The following CCDC3 variants were observed in gnomAD, a reference collection of about 807,000 sequenced individuals.
CCDC3 encodes the protein coiled-coil domain-containing protein 3.
A neutral mutation model predicts 21.4 loss-of-function variants in CCDC3; 24 were observed. The ratio of observed to expected loss-of-function variants is 1.12; its 90% CI spans 0.81 to 1.58. The LOEUF (loss-of-function observed/expected upper bound fraction) is 1.58, where lower values mean the gene tolerates loss of function less well. Among genes scored for constraint, CCDC3 ranks in the 40% most tolerant of loss-of-function variants. The pLI is 0.00. For synonymous variants in CCDC3, 186 were observed against 166.0 expected (o/e 1.12, Z -0.93); for missense variants, 425 against 360.9 (o/e 1.18, Z -1.44).
At chr10:13,001,836 T>G (rs1028145309), upstream of CCDC3, 2 of 151,226 alleles carry the variant, frequency 1.3e-5, no homozygotes, top group East Asian at 2.0e-4. Context: ...GTCGGGCGGG[T>G]CCCGGCGCCG....
chr10:12,902,793 C>G (rs4237429), intron 2 of CCDC3, among the ~76,000 whole-genome samples: 129,654 of 152,150 alleles, frequency 0.85, 55,757 homozygotes, highest in Middle Eastern at 0.92. Context: ...GTTCTCCAGG[C>G]TAGCAAGAGG....
intron 2 of CCDC3, among the ~76,000 whole-genome samples, chr10:12,952,220 G>A (rs1835018812): frequency 6.6e-6 from 1 of 152,310 alleles, no homozygotes; most frequent in Admixed American, 6.5e-5. Context: ...GAGGGAGAAG[G>A]TTTTGTTGGT....
intron 4 of CCDC3, among the ~76,000 whole-genome samples, chr10:13,065,326 CAATACCATATA>C (rs1316032273): frequency 6.6e-6 from 1 of 152,082 alleles, no homozygotes; most frequent in African/African-American, 2.4e-5. Flanking sequence ...AGGAGAAAAG[CAATACCATATA>C]AACACGTCAC....
Position 12,900,560 on chromosome 10 carries a change from G to A in CCDC3, c.550-1881C>T, listed in dbSNP as rs189202814. ...AAAAAAAAAAGCCGGGCGTCGTGGC[G>A]GGTGCCTGTAGTCCCAGCTACTCGG... On this transcript the variant is annotated intron_variant, in intron 2 of 2. Coordinates refer to ENST00000378825, the MANE Select transcript of CCDC3 (RefSeq NM_031455.4). Among the ~76,000 whole-genome samples the A allele has an allele frequency of 4.5e-3, 678 of 149,852 alleles. 2 individuals are homozygous for A. Among genetic ancestry groups the A allele is most frequent in the African/African-American group, 0.016 (646 of 40,892 alleles).
At chr10:12,912,849 C>A (rs967369199) in intron 2 of CCDC3, among the ~76,000 whole-genome samples, 1 of 152,138 alleles carries the variant, frequency 6.6e-6, no homozygotes, top group African/African-American at 2.4e-5. Context: ...TTTCCAGCAC[C>A]GTTTACTGAA....
At chr10:13,074,598 T>TTA (rs2131442886) in intron 3 of CCDC3, among the ~76,000 whole-genome samples, 1 of 149,154 alleles carries the variant, frequency 6.7e-6, no homozygotes, top group East Asian at 2.0e-4. Flanking sequence ...CTCCCTCAGC[T>TTA]TTTATAGATT....
intron 3 of CCDC3, among the ~76,000 whole-genome samples, chr10:13,094,287 T>TGATACTCACCCAGGCTGGAATGCAATGGC (rs1329969326): frequency 6.7e-6 from 1 of 149,312 alleles, no homozygotes; most frequent in African/African-American, 2.5e-5. Context: ...ATGATGATGA[T>TGATACTCACCCAGGCTGGAATGCAATGGC]GATGATACTC....
intron 2 of CCDC3, among the ~76,000 whole-genome samples, chr10:12,922,709 G>T (rs893640287): frequency 3.7e-4 from 56 of 152,048 alleles, no homozygotes; most frequent in African/African-American, 1.3e-3. Flanking sequence ...TGTTTTCCCC[G>T]GATGTGGTAC....
At chr10:13,000,093 C>T (rs1589036199) in intron 1 of CCDC3, among the ~76,000 whole-genome samples, 1 of 152,172 alleles carries the variant, frequency 6.6e-6, no homozygotes, top group Non-Finnish European at 1.5e-5. Flanking sequence ...CAGAGAAATG[C>T]GAGCTAAAAG....
At chr10:13,029,092 C>G (rs1408205921) in intron 5 of CCDC3, among the ~76,000 whole-genome samples, 1 of 152,160 alleles carries the variant, frequency 6.6e-6, no homozygotes, top group Non-Finnish European at 1.5e-5. Context: ...TGACAGGATG[C>G]CAGCCTTGGC....
At chr10:13,029,696 A>G (rs1267955406) in intron 5 of CCDC3, among the ~76,000 whole-genome samples, 4 of 152,242 alleles carry the variant, frequency 2.6e-5, no homozygotes, top group Admixed American at 2.6e-4. Flanking sequence ...TGACGCATGC[A>G]CAAGCTTCAG....
At chr10:13,077,187 A>C (rs953719190) in intron 3 of CCDC3, among the ~76,000 whole-genome samples, 2 of 152,236 alleles carry the variant, frequency 1.3e-5, no homozygotes, top group Non-Finnish European at 2.9e-5. Flanking sequence ...TCAAGTGCAA[A>C]AATCACAAGC....
At chr10:13,018,423 T>C (rs1362010542) in intron 5 of CCDC3, among the ~76,000 whole-genome samples, 1 of 152,110 alleles carries the variant, frequency 6.6e-6, no homozygotes, top group Non-Finnish European at 1.5e-5. Context: ...CCAGGGAATG[T>C]GAAAAGCTGG....
intron 2 of CCDC3, among the ~76,000 whole-genome samples, chr10:12,982,691 G>A (rs761357933): frequency 4.0e-5 from 6 of 149,796 alleles, no homozygotes; most frequent in Non-Finnish European, 7.4e-5. Context: ...CTACTCAGGA[G>A]GCTGAGGCAG....
chr10:12,956,065 C>G (rs911348626), intron 2 of CCDC3, among the ~76,000 whole-genome samples: 1 of 152,008 alleles, frequency 6.6e-6, no homozygotes, highest in Non-Finnish European at 1.5e-5. Context: ...GTCTTGAACT[C>G]CTGGGCTCAG....
intron 2 of CCDC3, among the ~76,000 whole-genome samples, chr10:12,934,510 T>A (rs1193380169): frequency 6.6e-6 from 1 of 152,236 alleles, no homozygotes; most frequent in Non-Finnish European, 1.5e-5. Context: ...ACTGATTTTC[T>A]GTCTACTGGA....
intron 3 of CCDC3, among the ~76,000 whole-genome samples, chr10:13,082,427 C>G (rs1293702717): frequency 6.6e-6 from 1 of 152,222 alleles, no homozygotes; most frequent in Non-Finnish European, 1.5e-5. Context: ...GCCAGGTATA[C>G]AGGGTGGAAC....
chr10:13,099,311 T>G lies in CCDC3; in HGVS notation c.-806-2A>C, dbSNP rs1055209341. 6.6e-6 allele frequency: 1 copy of G among 152,366 alleles called. No homozygotes were observed. Among genetic ancestry groups the G allele is most frequent in the Non-Finnish European group, 1.5e-5 (1 of 68,190 alleles). The allele number at this position is 152,366 out of a possible 1,614,324, so 9.4% of individuals were successfully genotyped here. A position where few individuals can be genotyped will look rare whatever the true frequency, so the allele number is the denominator to read the frequency against. ...GGAGAGGGCGCATCTGCCTTTTTCC[T>G]GTTTCAGATTAGGTTTTGTTGTTGT... On this transcript the variant is annotated splice_acceptor_variant, in intron 1 of 6. Transcript: ENST00000378839. LOFTEE classifies it low-confidence loss of function (5UTR_SPLICE).
chr10:12,999,098 G>A (rs2131286301), intron 1 of CCDC3, among the ~76,000 whole-genome samples: 1 of 152,228 alleles, frequency 6.6e-6, no homozygotes, highest in African/African-American at 2.4e-5. Flanking sequence ...AAATTAGCTG[G>A]GCACGGTGGC....
Sources: allele counts gnomAD v4.1 joint callset (sites outside exome capture counted in the v4.1 genomes callset), GRCh38; gene constraint gnomAD v4.1.1; transcripts MANE v1.5; gene names NCBI Gene and HGNC (gene_info 2026-07-23, HGNC 2026-07-21).